Variants in C9orf85 observed in about 807,000 individuals in gnomAD.
C9orf85 encodes the protein chromosome 9 open reading frame 85, also known as uncharacterized protein C9orf85.
C9orf85 carries 16 observed loss-of-function variants against 14.9 expected under a neutral mutation model. The observed-to-expected ratio is 1.08, with a 90% CI of 0.73 to 1.63. C9orf85 has a LOEUF of 1.63. Among genes scored for constraint, C9orf85 ranks in the 40% most tolerant of loss-of-function variants. The probability of loss-of-function intolerance (pLI) is 0.00; values close to 1 mark genes in which losing one functional copy is unlikely to be tolerated. For synonymous variants in C9orf85, 45 were observed against 56.8 expected, an observed-to-expected ratio of 0.79 and a Z score of 0.93; for missense variants, 172 against 186.1, an observed-to-expected ratio of 0.92 and a Z score of 0.44.
intron 2 of C9orf85, among the ~76,000 whole-genome samples, chr9:71,968,228 T>C (rs2132353487): frequency 6.6e-6 from 1 of 152,268 alleles, no homozygotes; most frequent in East Asian, 1.9e-4. Flanking sequence ...TTTACATCTT[T>C]GTTCATTAGA....
At chr9:71,936,419 A>G (rs964637296) in intron 1 of C9orf85, among the ~76,000 whole-genome samples, 4 of 151,544 alleles carry the variant, frequency 2.6e-5, no homozygotes, top group Admixed American at 1.3e-4. Flanking sequence ...TTGAGAAGGA[A>G]CAAATGGGAT....
At chr9:71,950,909 C>T (rs1261635087) in intron 2 of C9orf85, among the ~76,000 whole-genome samples, 1 of 152,012 alleles carries the variant, frequency 6.6e-6, no homozygotes, top group Non-Finnish European at 1.5e-5. Flanking sequence ...ACTTTTTCTC[C>T]CATTTGTTTA....
intron 2 of C9orf85, among the ~76,000 whole-genome samples, chr9:71,957,411 A>G (rs769812519): frequency 8.5e-5 from 13 of 152,200 alleles, no homozygotes; most frequent in Non-Finnish European, 1.6e-4. Context: ...TGAAATAAGT[A>G]ATTATTAAAT....
intron 2 of C9orf85, among the ~76,000 whole-genome samples, chr9:71,966,948 A>T (rs1174569546): frequency 6.6e-6 from 1 of 152,254 alleles, no homozygotes; most frequent in African/African-American, 2.4e-5. Context: ...TCCTCTGCAG[A>T]TGCAAATCAT....
At chr9:71,974,142 G>A (rs1822959277), downstream of C9orf85, among the ~76,000 whole-genome samples, 2 of 151,462 alleles carry the variant, frequency 1.3e-5, no homozygotes, top group African/African-American at 4.8e-5. Flanking sequence ...GGCCAGGCTG[G>A]TCTTGAACTC....
intron 2 of C9orf85, among the ~76,000 whole-genome samples, chr9:71,963,995 G>A (rs764378948): frequency 2.0e-5 from 3 of 152,306 alleles, no homozygotes; most frequent in Middle Eastern, 3.4e-3. Context: ...GAAGCCAGCT[G>A]GGCTCCTGAG....
chr9:71,946,940 T>C, intron 1 of C9orf85, 66 bp from the exon 2 acceptor site: 2 of 1,081,812 alleles, frequency 1.8e-6, no homozygotes, highest in Non-Finnish European at 2.8e-6. Context: ...CATACACTCT[T>C]TTATGGGATT....
chr9:71,955,085 T>C (rs1257783798), intron 2 of C9orf85, among the ~76,000 whole-genome samples: 1 of 152,176 alleles, frequency 6.6e-6, no homozygotes, highest in Non-Finnish European at 1.5e-5. Context: ...AGTATCACTG[T>C]CCTCATTTTT....
At chr9:71,984,034 C>G (rs1001970015), downstream of C9orf85, 2 of 152,180 alleles carry the variant, frequency 1.3e-5, no homozygotes, top group African/African-American at 4.8e-5. Flanking sequence ...GTTTATACAG[C>G]AAACCATCAA....
At chr9:71,979,683 T>C (rs544034868) in intron 3 of C9orf85, among the ~76,000 whole-genome samples, 1 of 152,336 alleles carries the variant, frequency 6.6e-6, no homozygotes, top group African/African-American at 2.4e-5. Flanking sequence ...GAAAAAATAT[T>C]GACAGTAACA....
At position 71,957,437 on chromosome 9, in the gene C9orf85, G is replaced by T. The variant is rs759602206; in HGVS notation, c.209+10325G>T. On this transcript the variant is annotated intron_variant, in intron 2 of 3. Transcript: ENST00000334731. ...ATTATTAAATATCATATTACTCAGT[G>T]AAAAACTGATTACTTACTGCTGCAA... Among the ~76,000 whole-genome samples the T allele has an allele frequency of 8.0e-4, 121 of 152,118 alleles. 1 individual carries two copies. Among genetic ancestry groups the T allele is most frequent in the Admixed American group, 3.1e-3 (48 of 15,258 alleles).
intron 2 of C9orf85, among the ~76,000 whole-genome samples, chr9:71,953,213 G>C (rs115916234): frequency 6.6e-6 from 1 of 152,116 alleles, no homozygotes; most frequent in Admixed American, 6.6e-5. Flanking sequence ...GCTCTGTACC[G>C]AATAGATAGA....
intron 2 of C9orf85, among the ~76,000 whole-genome samples, chr9:71,966,321 CT>C (rs1330669015): frequency 0.012 from 1,827 of 152,176 alleles, 31 homozygotes; most frequent in African/African-American, 0.041. Context: ...TGAATTTTTT[CT>C]TTTAACATGT....
chr9:71,919,646 A>T (rs1163481621), intron 1 of C9orf85, among the ~76,000 whole-genome samples: 5 of 152,192 alleles, frequency 3.3e-5, no homozygotes, highest in Non-Finnish European at 7.3e-5. Context: ...ACATAATATT[A>T]TACCTAATAG....
intron 2 of C9orf85, among the ~76,000 whole-genome samples, chr9:71,967,713 C>CTTTTTTTTT (rs55750667): frequency 4.3e-5 from 4 of 94,112 alleles, no homozygotes; most frequent in African/African-American, 9.6e-5. Flanking sequence ...TATGACCTTT[C>CTTTTTTTTT]TTTTTTTTTT....
intron 1 of C9orf85, among the ~76,000 whole-genome samples, chr9:71,924,179 A>G (rs1451727324): frequency 2.0e-5 from 3 of 152,232 alleles, no homozygotes; most frequent in African/African-American, 7.2e-5. Flanking sequence ...GGCTTCTAAA[A>G]ATATCAAGTG....
chr9:71,932,510 T>C (rs1828093120), intron 1 of C9orf85, among the ~76,000 whole-genome samples: 1 of 152,210 alleles, frequency 6.6e-6, no homozygotes, highest in African/African-American at 2.4e-5. Flanking sequence ...TAACAGTTGC[T>C]CTTCTACAGA....
At chr9:71,930,933 T>C (rs1346680952) in intron 1 of C9orf85, among the ~76,000 whole-genome samples, 2 of 151,964 alleles carry the variant, frequency 1.3e-5, no homozygotes, top group Non-Finnish European at 2.9e-5. Flanking sequence ...TTTGAACTTA[T>C]AACTAAGGCA....
chr9:71,958,321 G>T (rs557811677), intron 2 of C9orf85, among the ~76,000 whole-genome samples: 349 of 149,534 alleles, frequency 2.3e-3, no homozygotes, highest in Middle Eastern at 6.9e-3. Flanking sequence ...GGAGTGCAAT[G>T]GCATGATCTC....
Sources: gnomAD v4.1 joint callset for allele counts (sites outside exome capture counted in the v4.1 genomes callset) on GRCh38, gnomAD v4.1.1 for gene constraint, MANE v1.5 for transcripts, NCBI Gene and HGNC (gene_info 2026-07-23, HGNC 2026-07-21) for gene names.